The following SLC13A3 variants were observed in gnomAD, a reference collection of about 807,000 sequenced individuals.
SLC13A3 encodes Na(+)/dicarboxylate cotransporter 3.
A neutral mutation model predicts 59.0 loss-of-function variants in SLC13A3; 40 were observed. The ratio of observed to expected loss-of-function variants is 0.68; its 90% confidence interval spans 0.53 to 0.88. The LOEUF is 0.88. Among genes scored for constraint, SLC13A3 ranks in the 40% least tolerant of loss-of-function variants. The pLI is 0.00. For missense variants in SLC13A3, 699 were observed against 783.2 expected (o/e 0.89, Z 1.28); for synonymous variants, 317 against 330.3 (o/e 0.96, Z 0.44).
chr20:46,568,938 G>T (rs551289881), intron 10 of SLC13A3, among the ~76,000 whole-genome samples: 1 of 152,160 alleles, frequency 6.6e-6, no homozygotes, highest in Non-Finnish European at 1.5e-5. Flanking sequence ...GTTGCGTAGG[G>T]TTCTACTGGG....
chr20:46,622,269 G>A (rs1263571419), intron 1 of SLC13A3, among the ~76,000 whole-genome samples: 1 of 152,162 alleles, frequency 6.6e-6, no homozygotes, highest in Non-Finnish European at 1.5e-5. Context: ...CTGCCCTTGA[G>A]GATCTCAGAG....
At chr20:46,588,702 C>T (rs767114464) in intron 7 of SLC13A3, among the ~76,000 whole-genome samples, 12 of 152,082 alleles carry the variant, frequency 7.9e-5, no homozygotes, top group Non-Finnish European at 1.5e-4. Context: ...ACCCAATGTA[C>T]CCATTTCACA....
rs2146083847 is a variant in SLC13A3 at position 46,567,777 on chromosome 20, A to G, written c.1333-1387T>C. ...CTCACCATCAAATGCATCCTTAAAT[A>G]ACTGACCCAACACATCATTATAACC... is the stretch of plus-strand genomic sequence containing the variant. On this transcript the variant is annotated intron_variant, in intron 10 of 12. Transcript: ENST00000279027. 2.6e-5 allele frequency among the ~76,000 whole-genome samples: 4 copies of G among 152,320 alleles called. No individual in the cohort carries two copies. In the South Asian group the frequency reaches 8.3e-4, roughly 32 times the overall value.
chr20:46,626,013 G>A (rs956087842), intron 1 of SLC13A3, among the ~76,000 whole-genome samples: 58 of 152,238 alleles, frequency 3.8e-4, no homozygotes, highest in African/African-American at 1.3e-3. Context: ...GAGTCCTTTT[G>A]TGCGATGTAT....
chr20:46,591,582 T>C (rs1389872457), intron 6 of SLC13A3, among the ~76,000 whole-genome samples: 2 of 152,196 alleles, frequency 1.3e-5, no homozygotes, highest in African/African-American at 4.8e-5. Flanking sequence ...GATTTGGAAA[T>C]GTTAGATATT....
At position 46,563,466 on chromosome 20, in the gene SLC13A3, G is replaced by T. The variant is rs1324143927; in HGVS notation, c.1580C>A (p.Thr527Lys). 1.9e-6 allele frequency: 3 copies of T among 1,614,032 alleles called. No individual in the cohort carries two copies. The highest frequency in any genetic ancestry group is 2.5e-6 in the Non-Finnish European group (3 of 1,180,038). ...CSFAFMLPVSTPPNSIAFASG... is the reference protein window; with the variant it reads ...CSFAFMLPVSKPPNSIAFASG... ...GGCGAAGGCGATGGAGTTGGGGGGC[G>T]TTGAGACCGGGAGCATGAAGGCAAA... is the stretch of plus-strand genomic sequence containing the variant. The change falls in exon 12 of 13, where the codon ACG (threonine) becomes AAG (lysine). Residue 527 changes from threonine to lysine, a missense_variant. Coordinates refer to ENST00000279027, the MANE Select transcript of SLC13A3 (RefSeq NM_022829.6).
chr20:46,650,076 T>G (rs1169373254), intron 1 of SLC13A3, among the ~76,000 whole-genome samples: 2 of 152,200 alleles, frequency 1.3e-5, no homozygotes, highest in Admixed American at 1.3e-4. Context: ...AAGCCTTATC[T>G]TACAAGCCCA....
At chr20:46,641,464 C>T (rs930945420) in intron 1 of SLC13A3, among the ~76,000 whole-genome samples, 2 of 152,088 alleles carry the variant, frequency 1.3e-5, no homozygotes, top group African/African-American at 4.8e-5. Context: ...AAACAGAAGG[C>T]TGTTTTAGAG....
At chr20:46,572,102 T>C (rs1453987393) in intron 10 of SLC13A3, among the ~76,000 whole-genome samples, 1 of 152,124 alleles carries the variant, frequency 6.6e-6, no homozygotes, top group Non-Finnish European at 1.5e-5. Context: ...TAAGTGGGCT[T>C]AAGTGAGTTG....
chr20:46,656,545 A>G (rs548020735), intron 1 of SLC13A3, among the ~76,000 whole-genome samples: 3 of 146,238 alleles, frequency 2.1e-5, no homozygotes, highest in South Asian at 2.1e-4. Flanking sequence ...TACAGTACAT[A>G]TATTATACTG....
At chr20:46,602,552 T>C (rs2062389782) in intron 3 of SLC13A3, among the ~76,000 whole-genome samples, 1 of 152,080 alleles carries the variant, frequency 6.6e-6, no homozygotes, top group South Asian at 2.1e-4. Flanking sequence ...CCTAGCTCCA[T>C]CACTTACAAT....
chr20:46,655,938 C>T (rs2062984978), upstream of SLC13A3, among the ~76,000 whole-genome samples: 1 of 138,448 alleles, frequency 7.2e-6, no homozygotes, highest in Admixed American at 7.5e-5. Context: ...TAATATACTA[C>T]AGTATATATA....
At chr20:46,657,862 C>G (rs147906400) in intron 1 of SLC13A3, among the ~76,000 whole-genome samples, 143 of 152,206 alleles carry the variant, frequency 9.4e-4, no homozygotes, top group African/African-American at 3.2e-3. Flanking sequence ...TTTAAACAAC[C>G]AGATTTCCTG....
intron 3 of SLC13A3, among the ~76,000 whole-genome samples, chr20:46,606,332 G>C (rs919650116): frequency 6.6e-6 from 1 of 152,184 alleles, no homozygotes. Context: ...CCTGGCTCTC[G>C]TTTCTCACGT....
intron 10 of SLC13A3, among the ~76,000 whole-genome samples, chr20:46,574,839 C>CTTTTTTT (rs61006260): frequency 7.1e-6 from 1 of 141,526 alleles, no homozygotes; most frequent in Non-Finnish European, 1.5e-5. Flanking sequence ...TTTTCTTTTT[C>CTTTTTTT]TTTTTTTTTT....
intron 1 of SLC13A3, among the ~76,000 whole-genome samples, chr20:46,614,326 G>A (rs189371164): frequency 8.5e-5 from 13 of 152,300 alleles, no homozygotes; most frequent in Middle Eastern, 3.4e-3. Flanking sequence ...AAGGAAGTTG[G>A]AGCATTTATC....
chr20:46,570,607 A>G (rs1380863914), intron 10 of SLC13A3, among the ~76,000 whole-genome samples: 1 of 152,174 alleles, frequency 6.6e-6, no homozygotes, highest in Non-Finnish European at 1.5e-5. Flanking sequence ...GTGTCCCACC[A>G]CATATCACAG....
intron 10 of SLC13A3, among the ~76,000 whole-genome samples, chr20:46,573,885 T>C (rs1056302636): frequency 3.9e-5 from 6 of 152,176 alleles, no homozygotes; most frequent in African/African-American, 1.4e-4. Flanking sequence ...AAAATTGAAT[T>C]AACAACAGAA....
At chr20:46,667,386 G>T (rs1162585642) in intron 1 of SLC13A3, among the ~76,000 whole-genome samples, 1 of 152,164 alleles carries the variant, frequency 6.6e-6, no homozygotes, top group Non-Finnish European at 1.5e-5. Context: ...TTTTACCGGT[G>T]GGCCTGGGTT....
Sources: allele counts gnomAD v4.1 joint callset (sites outside exome capture counted in the v4.1 genomes callset), GRCh38; gene constraint gnomAD v4.1.1; transcripts MANE v1.5; gene names NCBI Gene and HGNC (gene_info 2026-07-23, HGNC 2026-07-21).